Variants in FAM227B observed in about 807,000 individuals in gnomAD.
FAM227B encodes family with sequence similarity 227 member B.
A neutral mutation model predicts 73.8 loss-of-function variants in FAM227B; 88 were observed. The ratio of observed to expected loss-of-function variants is 1.19; its 90% CI spans 1.00 to 1.42. The LOEUF is 1.42. Ranked by LOEUF, FAM227B falls within the 40% of genes most tolerant of loss-of-function variation. The pLI, the probability that FAM227B is intolerant of heterozygous loss-of-function variation, is 0.00. For synonymous variants in FAM227B, 210 were observed against 190.5 expected (o/e 1.10, Z -0.84); for missense variants, 632 against 590.9 (o/e 1.07, Z -0.72).
chr15:49,460,063 CA>C (rs1345005681), intron 11 of FAM227B, among the ~76,000 whole-genome samples: 1 of 152,112 alleles, frequency 6.6e-6, no homozygotes, highest in Non-Finnish European at 1.5e-5. Context: ...TCTCTACCAA[CA>C]ACAAACTTTA....
At chr15:49,504,762 T>C (rs910452582) in intron 11 of FAM227B, among the ~76,000 whole-genome samples, 2 of 152,190 alleles carry the variant, frequency 1.3e-5, no homozygotes, top group Non-Finnish European at 2.9e-5. Context: ...ATGCTTTCTG[T>C]AAAGCCTGCA....
intron 11 of FAM227B, among the ~76,000 whole-genome samples, chr15:49,443,409 C>CTATGA (rs1413984087): frequency 6.6e-6 from 1 of 151,386 alleles, no homozygotes; most frequent in Non-Finnish European, 1.5e-5. Context: ...TTGGACCCAA[C>CTATGA]TATGATAAGA....
chr15:49,461,002 T>C (rs1567320724), intron 11 of FAM227B, among the ~76,000 whole-genome samples: 1 of 152,182 alleles, frequency 6.6e-6, no homozygotes, highest in Non-Finnish European at 1.5e-5. Context: ...GAATGAGTGA[T>C]ATTCATCTTG....
chr15:49,450,952 A>G (rs2151883858), intron 11 of FAM227B, among the ~76,000 whole-genome samples: 1 of 152,222 alleles, frequency 6.6e-6, no homozygotes, highest in South Asian at 2.1e-4. Flanking sequence ...ACTCCTTTGA[A>G]TGCTCCTTCC....
chr15:49,360,301 T>G (rs1271517197), intron 13 of FAM227B, among the ~76,000 whole-genome samples: 1 of 151,944 alleles, frequency 6.6e-6, no homozygotes, highest in Non-Finnish European at 1.5e-5. Flanking sequence ...TATAGTAACA[T>G]TGTACTCATT....
intron 11 of FAM227B, among the ~76,000 whole-genome samples, chr15:49,498,929 G>A (rs1199081281): frequency 6.6e-6 from 1 of 151,806 alleles, no homozygotes; most frequent in Non-Finnish European, 1.5e-5. Context: ...CACTTTGGGA[G>A]GCCGAGGCGG....
intron 3 of FAM227B, among the ~76,000 whole-genome samples, chr15:49,602,613 G>T (rs1045227854): frequency 1.3e-5 from 2 of 152,024 alleles, no homozygotes; most frequent in African/African-American, 2.4e-5. Context: ...CACTTTACTG[G>T]TGGTCTCCTT....
chr15:49,468,218 TAAG>T lies in FAM227B; in HGVS notation c.1012+39990_1012+39992del, dbSNP rs138541029. ...CATTATAAAATATATATGGGATTAA[TAAG>T]AAGTATGTTTGATTTATTCCCTAAT... On this transcript the variant is annotated intron_variant, in intron 11 of 15. Transcript: ENST00000299338. Among the ~76,000 whole-genome samples, 1,217 of 152,258 alleles carry T rather than the reference TAAG, an allele frequency of 8.0e-3. 18 individuals are homozygous for T. The highest frequency in any genetic ancestry group is 0.028 in the African/African-American group (1,177 of 41,556).
chr15:49,425,362 T>C (rs968695445), intron 11 of FAM227B: 2 of 152,004 alleles, frequency 1.3e-5, no homozygotes, highest in African/African-American at 4.8e-5. Flanking sequence ...TGTTAAAATA[T>C]CAGGGTTGTG....
chr15:49,475,592 TTATTA>T (rs1379527318), intron 11 of FAM227B, among the ~76,000 whole-genome samples: 1 of 145,904 alleles, frequency 6.9e-6, no homozygotes, highest in African/African-American at 2.6e-5. Context: ...TATGCTAACT[TTATTA>T]TTTATTAAAT....
intron 8 of FAM227B, among the ~76,000 whole-genome samples, chr15:49,569,328 T>C (rs1270465892): frequency 3.3e-5 from 5 of 151,874 alleles, no homozygotes; most frequent in Non-Finnish European, 7.4e-5. Context: ...ACTTCTAGTT[T>C]TATTTTTTTT....
chr15:49,408,524 G>T (rs546108743), intron 11 of FAM227B, among the ~76,000 whole-genome samples: 1 of 152,044 alleles, frequency 6.6e-6, no homozygotes, highest in African/African-American at 2.4e-5. Context: ...TTTCTTCCTG[G>T]AATTCGTTTT....
intron 11 of FAM227B, among the ~76,000 whole-genome samples, chr15:49,374,003 A>G (rs1170546097): frequency 1.3e-5 from 2 of 152,206 alleles, no homozygotes; most frequent in African/African-American, 4.8e-5. Flanking sequence ...CAAATGATGT[A>G]ATATTTAACT....
intron 13 of FAM227B, chr15:49,366,267 T>C (rs74357970): frequency 2.5e-6 from 2 of 786,868 alleles, no homozygotes; most frequent in Non-Finnish European, 4.7e-6. Context: ...TTGTCACTTA[T>C]AAATGCAATC....
intron 11 of FAM227B, among the ~76,000 whole-genome samples, chr15:49,397,104 A>G (rs1415323395): frequency 6.6e-6 from 1 of 152,166 alleles, no homozygotes; most frequent in Non-Finnish European, 1.5e-5. Context: ...CTTGAAAAAA[A>G]TTTAGAAGAA....
At chr15:49,446,025 G>A (rs1404303129) in intron 11 of FAM227B, among the ~76,000 whole-genome samples, 1 of 151,308 alleles carries the variant, frequency 6.6e-6, no homozygotes, top group Non-Finnish European at 1.5e-5. Flanking sequence ...TATTTACAAT[G>A]TTAGTTTTCT....
At chr15:49,613,921 A>T (rs1837531890) in intron 2 of FAM227B, among the ~76,000 whole-genome samples, 1 of 152,198 alleles carries the variant, frequency 6.6e-6, no homozygotes, top group Non-Finnish European at 1.5e-5. Flanking sequence ...GTGCATGCAA[A>T]AGGCTTACAG....
chr15:49,444,605 T>C (rs2052004687), intron 11 of FAM227B, among the ~76,000 whole-genome samples: 1 of 151,698 alleles, frequency 6.6e-6, no homozygotes, highest in Non-Finnish European at 1.5e-5. Context: ...TAACTTGGTA[T>C]CTAATGAAGC....
At chr15:49,513,325 T>G (rs1370230793) in intron 10 of FAM227B, among the ~76,000 whole-genome samples, 2 of 152,256 alleles carry the variant, frequency 1.3e-5, no homozygotes, top group Non-Finnish European at 2.9e-5. Flanking sequence ...TATCTTACTG[T>G]GGCTTTGATT....
Sources: allele counts gnomAD v4.1 joint callset (sites outside exome capture counted in the v4.1 genomes callset), GRCh38; gene constraint gnomAD v4.1.1; transcripts MANE v1.5; gene names NCBI Gene and HGNC (gene_info 2026-07-23, HGNC 2026-07-21).